Variants in CNTN4 observed in about 807,000 individuals in gnomAD.
The protein encoded by CNTN4 is contactin 4.
CNTN4 carries 77 observed loss-of-function variants against 122.5 expected under a neutral mutation model. That is an observed-to-expected ratio of 0.63 (90% CI 0.52 to 0.76). CNTN4 has a LOEUF of 0.76. Among genes scored for constraint, CNTN4 ranks in the 30% least tolerant of loss-of-function variants. The pLI, the probability that CNTN4 is intolerant of heterozygous loss-of-function variation, is 0.00. For missense variants in CNTN4, 1,256 were observed against 1,259.1 expected (o/e 1.00, Z 0.04); for synonymous variants, 512 against 447.0 (o/e 1.15, Z -1.83).
chr3:2,547,334 G>T (rs866347744), intron 3 of CNTN4, among the ~76,000 whole-genome samples: 4 of 151,864 alleles, frequency 2.6e-5, no homozygotes, highest in Non-Finnish European at 2.9e-5. Context: ...CACGATCTCT[G>T]CACACTGCAA....
intron 2 of CNTN4, among the ~76,000 whole-genome samples, chr3:2,318,482 T>A (rs561108586): frequency 1.3e-5 from 2 of 152,314 alleles, no homozygotes; most frequent in Non-Finnish European, 2.9e-5. Flanking sequence ...TTCTTCTTCA[T>A]TGAAGCATTT....
chr3:2,684,858 G>A (rs1389734552), intron 4 of CNTN4, among the ~76,000 whole-genome samples: 2 of 152,156 alleles, frequency 1.3e-5, no homozygotes, highest in African/African-American at 2.4e-5. Flanking sequence ...AAGGAATCGG[G>A]AGTGCTCAAG....
At chr3:2,186,867 T>G (rs948246078) in intron 2 of CNTN4, among the ~76,000 whole-genome samples, 5 of 152,228 alleles carry the variant, frequency 3.3e-5, no homozygotes, top group East Asian at 1.9e-4. Flanking sequence ...TTTCTCCCAT[T>G]CTGTAGGTTG....
At chr3:2,600,193 C>A (rs2080972088) in intron 4 of CNTN4, among the ~76,000 whole-genome samples, 1 of 151,228 alleles carries the variant, frequency 6.6e-6, no homozygotes, top group African/African-American at 2.4e-5. Flanking sequence ...GATTGTTAGA[C>A]CTTGGAGGGC....
At chr3:2,299,244 G>A (rs946332247) in intron 2 of CNTN4, among the ~76,000 whole-genome samples, 1 of 152,036 alleles carries the variant, frequency 6.6e-6, no homozygotes, top group East Asian at 1.9e-4. Context: ...TATAAAATTT[G>A]GATTATTTGT....
chr3:2,950,747 C>T (rs1184065615), intron 13 of CNTN4, among the ~76,000 whole-genome samples: 1 of 152,188 alleles, frequency 6.6e-6, no homozygotes, highest in Non-Finnish European at 1.5e-5. Flanking sequence ...TTGGTTTTAA[C>T]TCTATATGGA....
chr3:3,008,648 A>T (rs1391550192), intron 14 of CNTN4, among the ~76,000 whole-genome samples: 1 of 152,220 alleles, frequency 6.6e-6, no homozygotes, highest in African/African-American at 2.4e-5. Flanking sequence ...GAAAGGTAAC[A>T]TTATGCAGAG....
intron 3 of CNTN4, among the ~76,000 whole-genome samples, chr3:2,391,427 C>T (rs942424262): frequency 6.6e-6 from 1 of 151,988 alleles, no homozygotes; most frequent in Non-Finnish European, 1.5e-5. Flanking sequence ...CATGAGAAAC[C>T]CAGAGAAAGA....
chr3:2,287,189 A>G (rs1023684065), intron 2 of CNTN4, among the ~76,000 whole-genome samples: 1 of 152,206 alleles, frequency 6.6e-6, no homozygotes, highest in African/African-American at 2.4e-5. Context: ...ACAAACTTGA[A>G]CAACTGGAGG....
chr3:2,173,759 A>C (rs2149254108), intron 2 of CNTN4, among the ~76,000 whole-genome samples: 1 of 152,302 alleles, frequency 6.6e-6, no homozygotes, highest in East Asian at 1.9e-4. Context: ...AGTTTACCTC[A>C]TAGGGTTATT....
At chr3:2,644,971 A>G (rs2083056484) in intron 4 of CNTN4, among the ~76,000 whole-genome samples, 1 of 151,438 alleles carries the variant, frequency 6.6e-6, no homozygotes, top group Admixed American at 6.6e-5. Flanking sequence ...TCATTTGCCT[A>G]AACTAAGTGG....
At chr3:2,117,299 A>G (rs2033422283) in intron 2 of CNTN4, among the ~76,000 whole-genome samples, 2 of 152,216 alleles carry the variant, frequency 1.3e-5, no homozygotes, top group African/African-American at 4.8e-5. Flanking sequence ...AAGGATACAG[A>G]TGAAGAGATT....
chr3:2,659,328 G>T (rs528534393), intron 4 of CNTN4, among the ~76,000 whole-genome samples: 2 of 151,822 alleles, frequency 1.3e-5, no homozygotes, highest in African/African-American at 4.8e-5. Context: ...CAGGTGTAAT[G>T]GTACATGTCT....
At chr3:2,878,593 T>TGTGTG (rs2093873320) in intron 8 of CNTN4, among the ~76,000 whole-genome samples, 2 of 104,846 alleles carry the variant, frequency 1.9e-5, no homozygotes, top group African/African-American at 6.4e-5. Flanking sequence ...GTGTGTGTCT[T>TGTGTG]TCTGTCTGTC....
intron 2 of CNTN4, among the ~76,000 whole-genome samples, chr3:2,302,728 A>C (rs535932671): frequency 7.5e-4 from 114 of 152,324 alleles, no homozygotes; most frequent in African/African-American, 2.6e-3. Flanking sequence ...TGCCCACTTT[A>C]GATGCTAAGG....
chr3:2,381,258 G>A (rs1020277742), intron 3 of CNTN4, among the ~76,000 whole-genome samples: 3 of 152,012 alleles, frequency 2.0e-5, no homozygotes, highest in Admixed American at 6.5e-5. Flanking sequence ...CACCCGCCTC[G>A]GCCTCCCAAA....
rs144475082 is a variant in CNTN4, at chr3:2,648,389, C to G, written c.55+76831C>G. Reference sequence around the variant, plus strand: ...GAGCAAGTCTACTGCCACCATTTTCCCAACAGCATGTGCTTACTTTGTATC... The same window carrying G: ...GAGCAAGTCTACTGCCACCATTTTCGCAACAGCATGTGCTTACTTTGTATC... On this transcript the variant is annotated intron_variant, in intron 4 of 24. Transcript: ENST00000418658. Among the ~76,000 whole-genome samples, 158 of 152,260 alleles carry G rather than the reference C, an allele frequency of 1.0e-3. 1 individual carries two copies. Among genetic ancestry groups the G allele is most frequent in the South Asian group, 5.4e-3 (26 of 4,820 alleles).
chr3:2,429,238 G>T (rs2047964398), intron 3 of CNTN4, among the ~76,000 whole-genome samples: 1 of 152,160 alleles, frequency 6.6e-6, no homozygotes, highest in African/African-American at 2.4e-5. Flanking sequence ...CTTTGATGAT[G>T]GTGACCTACA....
At chr3:2,730,770 T>A (rs947782311) in intron 4 of CNTN4, among the ~76,000 whole-genome samples, 41 of 152,132 alleles carry the variant, frequency 2.7e-4, no homozygotes, top group African/African-American at 9.9e-4. Flanking sequence ...TCACCTGAGA[T>A]TCAGGCTTAT....
Sources: gnomAD v4.1 joint callset for allele counts (sites outside exome capture counted in the v4.1 genomes callset) on GRCh38, gnomAD v4.1.1 for gene constraint, MANE v1.5 for transcripts, NCBI Gene and HGNC (gene_info 2026-07-23, HGNC 2026-07-21) for gene names.